The following MOCOS variants were observed in gnomAD, a reference collection of about 807,000 sequenced individuals.
MOCOS encodes molybdenum cofactor sulfurase, also known as human molybdenum cofactor sulfurase.
In MOCOS, 86 loss-of-function variants were observed where a neutral mutation model predicts 83.6. That is an observed-to-expected ratio of 1.03 (90% CI 0.86 to 1.23). MOCOS has a LOEUF of 1.23. Ranked by LOEUF, MOCOS falls within the 50% of genes most tolerant of loss-of-function variation. The pLI is 0.00. For missense variants in MOCOS, 1,120 were observed against 1,126.9 expected (o/e 0.99, Z 0.09); for synonymous variants, 445 against 434.7 (o/e 1.02, Z -0.29).
intron 6 of MOCOS, 67 bp from the exon 7 acceptor site, chr18:36,213,299 A>T (rs578095159): frequency 1.6e-6 from 2 of 1,231,114 alleles, no homozygotes; most frequent in Admixed American, 3.4e-5. Context: ...CCAAATCCTG[A>T]TCTGAATCTC....
intron 3 of MOCOS, among the ~76,000 whole-genome samples, chr18:36,199,038 A>G (rs2144899850): frequency 6.6e-6 from 1 of 152,290 alleles, no homozygotes; most frequent in East Asian, 1.9e-4. Context: ...AGTGACAGGA[A>G]GTGACCCAGG....
chr18:36,252,060 T>C (rs1317368422), intron 11 of MOCOS, among the ~76,000 whole-genome samples: 1 of 152,216 alleles, frequency 6.6e-6, no homozygotes, highest in African/African-American at 2.4e-5. Context: ...TCTATGAGGA[T>C]AGGGATTGTT....
intron 14 of MOCOS, among the ~76,000 whole-genome samples, chr18:36,268,169 CA>C (rs1417892365): frequency 6.6e-6 from 1 of 152,282 alleles, no homozygotes; most frequent in African/African-American, 2.4e-5. Flanking sequence ...CTGTCTTCCC[CA>C]AAAGGCTTTT....
intron 11 of MOCOS, among the ~76,000 whole-genome samples, chr18:36,255,060 A>G (rs1287924554): frequency 6.6e-6 from 1 of 152,254 alleles, no homozygotes; most frequent in East Asian, 1.9e-4. Flanking sequence ...GATCAAAGCA[A>G]CATAAGTATA....
At chr18:36,258,601 C>T (rs993495400) in intron 12 of MOCOS, among the ~76,000 whole-genome samples, 2 of 152,074 alleles carry the variant, frequency 1.3e-5, no homozygotes, top group Admixed American at 1.3e-4. Context: ...CCTTCCCAAC[C>T]CCATAGTCTT....
At chr18:36,247,702 G>A (rs1017812835) in intron 9 of MOCOS, among the ~76,000 whole-genome samples, 39 of 149,362 alleles carry the variant, frequency 2.6e-4, no homozygotes, top group Non-Finnish European at 1.9e-4. Flanking sequence ...ATGTGTGTTC[G>A]GAGACCAACT....
Position 36,268,782 on chromosome 18 carries a change from A to G in MOCOS, c.*97A>G. ...GTAGAACTTGATGTTTTGAATAAGG[A>G]GAGCTCTTTTTCTTTAGAGGCAGGG... On this transcript the variant is annotated 3_prime_UTR_variant, in exon 15 of 15. Transcript: ENST00000261326. 2.4e-5 allele frequency: 26 copies of G among 1,062,934 alleles called. 1 individual carries two copies. In the South Asian group the frequency reaches 2.9e-4, roughly 12 times the overall value. 65.8% of individuals were successfully genotyped at this position (1,062,934 alleles called of 1,614,324 possible).
chr18:36,244,914 A>T (rs2091597247), intron 9 of MOCOS, among the ~76,000 whole-genome samples: 1 of 152,016 alleles, frequency 6.6e-6, no homozygotes. Context: ...GTTGCTTTAA[A>T]GTTTGTTTTG....
intron 4 of MOCOS, among the ~76,000 whole-genome samples, chr18:36,201,662 C>CAAAA (rs1568050276): frequency 7.9e-4 from 2 of 2,526 alleles, no homozygotes; most frequent in African/African-American, 1.3e-3. Flanking sequence ...GACTCCATCT[C>CAAAA]CAAAAAAAAA....
Position 36,199,950 on chromosome 18 carries a change from C to G in MOCOS, c.567C>G (p.Asn189Lys). 2 of 1,614,194 alleles carry G rather than the reference C, an allele frequency of 1.2e-6. No individual in the cohort carries two copies. Among genetic ancestry groups the G allele is most frequent in the Non-Finnish European group, 1.7e-6 (2 of 1,180,016 alleles). Residue 189 changes from asparagine to lysine, a missense_variant, in exon 4 of 15, where the codon AAC becomes AAG. Transcript: ENST00000261326. Reference sequence around the variant, plus strand: ...AGGAACGTAGTGCTTCAGCCAGCAACCCAGACTGCCAGCTGCCGCATCTCT... The same window carrying G: ...AGGAACGTAGTGCTTCAGCCAGCAAGCCAGACTGCCAGCTGCCGCATCTCT... ...SAEERSASAS[N>K]PDCQLPHLFC...
intron 9 of MOCOS, among the ~76,000 whole-genome samples, chr18:36,225,306 C>A (rs1012088409): frequency 2.6e-5 from 4 of 152,086 alleles, no homozygotes; most frequent in Non-Finnish European, 4.4e-5. Flanking sequence ...TGCGCACCAC[C>A]ATGCCCAGCT....
intron 9 of MOCOS, among the ~76,000 whole-genome samples, chr18:36,227,219 G>T (rs1435256332): frequency 6.6e-6 from 1 of 150,410 alleles, no homozygotes; most frequent in African/African-American, 2.4e-5. Context: ...GCCCATATTT[G>T]TATCTTTTAA....
At position 36,271,478 on chromosome 18, in the gene MOCOS, A is replaced by G. The variant is rs547877397; in HGVS notation, c.*2793A>G. 1 of 152,274 alleles carries G rather than the reference A, an allele frequency of 6.6e-6. No individual in the cohort carries two copies. The highest frequency in any genetic ancestry group is 2.1e-4 in the South Asian group (1 of 4,810). 9.4% of individuals were successfully genotyped at this position (152,274 alleles called of 1,614,324 possible). A position where few individuals can be genotyped will look rare whatever the true frequency, so the allele number is the denominator to read the frequency against. ...TTGTGTATCTGTAGAGTGGCTTCAT[A>G]TTCAGAGTTTATGGACATTTATGAT... On this transcript the variant is annotated 3_prime_UTR_variant, in exon 15 of 15. Coordinates refer to ENST00000261326, the MANE Select transcript of MOCOS (RefSeq NM_017947.4).
chr18:36,221,793 C>T lies in MOCOS; in HGVS notation c.1960+1576C>T, dbSNP rs1330421128. Among the ~76,000 whole-genome samples, 8 of 147,858 alleles carry T rather than the reference C, an allele frequency of 5.4e-5. No homozygotes were observed. The East Asian group carries it at 1.6e-3, about 30-fold the overall frequency. The stretch of plus-strand genomic sequence containing the variant: ...CCAGGCTGGAGTGCAATGGCGTGAT[C>T]TCGGCTCACTGCAACCTCTGCCTCC... On this transcript the variant is annotated intron_variant, in intron 9 of 14. Coordinates refer to ENST00000261326, the MANE Select transcript of MOCOS (RefSeq NM_017947.4).
chr18:36,211,711 A>G (rs533988879), intron 6 of MOCOS, among the ~76,000 whole-genome samples: 1 of 152,194 alleles, frequency 6.6e-6, no homozygotes, highest in South Asian at 2.1e-4. Context: ...GGAAATTAGG[A>G]CAAAGGGTAA....
chr18:36,225,286 G>A (rs372179010), intron 9 of MOCOS, among the ~76,000 whole-genome samples: 2 of 152,046 alleles, frequency 1.3e-5, no homozygotes, highest in African/African-American at 4.8e-5. Context: ...CGAGTAGCTG[G>A]GACTACAGGT....
At chr18:36,200,986 G>A (rs1473201536) in intron 4 of MOCOS, among the ~76,000 whole-genome samples, 1 of 152,230 alleles carries the variant, frequency 6.6e-6, no homozygotes, top group Non-Finnish European at 1.5e-5. Context: ...AGGCTGCAAG[G>A]GCAGGTGGTG....
Position 36,187,581 on chromosome 18 carries a change from C to A in MOCOS, c.42C>A (p.Thr14=). ...AAAESGRELW[T]FAGSRDPSAP... ...CGGAGTCAGGGCGGGAGCTGTGGAC[C>A]TTCGCGGGTTCCCGGGACCCGAGCG... is the stretch of plus-strand genomic sequence containing the variant. Residue 14 remains threonine, a synonymous_variant, in exon 1 of 15, where the codon ACC becomes ACA. Coordinates refer to ENST00000261326, the MANE Select transcript of MOCOS (RefSeq NM_017947.4). The A allele has an allele frequency of 8.0e-7, 1 of 1,247,154 alleles. No homozygotes were observed. Among genetic ancestry groups the A allele is most frequent in the Non-Finnish European group, 1.0e-6 (1 of 995,386 alleles). 77.3% of individuals were successfully genotyped at this position (1,247,154 alleles called of 1,614,324 possible).
intron 2 of MOCOS, 129 bp downstream of exon 2, chr18:36,195,475 T>C (rs1255681595): frequency 4.6e-6 from 4 of 870,066 alleles, no homozygotes; most frequent in South Asian, 1.4e-5. Flanking sequence ...CCATGTAAGA[T>C]AGGGGCCAGG....
Sources: allele counts gnomAD v4.1 joint callset (sites outside exome capture counted in the v4.1 genomes callset), GRCh38; gene constraint gnomAD v4.1.1; transcripts MANE v1.5; gene names NCBI Gene and HGNC (gene_info 2026-07-23, HGNC 2026-07-21).